Variants in NUF2 observed in about 807,000 individuals in gnomAD.
The protein encoded by NUF2 is kinetochore protein Nuf2.
In NUF2, 34 loss-of-function variants were observed where a neutral mutation model predicts 61.8. The ratio of observed to expected loss-of-function variants is 0.55; its 90% CI spans 0.42 to 0.73. The LOEUF is 0.73. Ranked by LOEUF, NUF2 falls within the 30% of genes least tolerant of loss-of-function variation. The pLI, the probability that NUF2 is intolerant of heterozygous loss-of-function variation, is 0.00. For synonymous variants in NUF2, 172 were observed against 181.6 expected, an observed-to-expected ratio of 0.95 and a Z score of 0.42; for missense variants, 445 against 539.1, an observed-to-expected ratio of 0.83 and a Z score of 1.73.
intron 11 of NUF2, among the ~76,000 whole-genome samples, chr1:163,347,437 A>G (rs1173329026): frequency 1.3e-4 from 20 of 152,078 alleles, no homozygotes; most frequent in Admixed American, 1.3e-3. Context: ...TCTAGCACCT[A>G]CCCTTTTCCC....
At chr1:163,338,246 A>G (rs2101678472) in intron 7 of NUF2, among the ~76,000 whole-genome samples, 153 bp downstream of exon 7, 1 of 151,496 alleles carries the variant, frequency 6.6e-6, no homozygotes, top group East Asian at 1.9e-4. Context: ...TTAAAAAAAA[A>G]AAAAAGAAAA....
At chr1:163,336,950 T>C (rs1650779478) in intron 6 of NUF2, 102 bp downstream of exon 6, 2 of 723,784 alleles carry the variant, frequency 2.8e-6, no homozygotes, top group Non-Finnish European at 4.7e-6. Context: ...CAAATTGCTG[T>C]ATTGCCTTTA....
At chr1:163,336,651 A>T in intron 5 of NUF2, 100 bp from the exon 6 acceptor site, 4 of 714,148 alleles carry the variant, frequency 5.6e-6, no homozygotes, top group Non-Finnish European at 9.7e-6. Context: ...GTTTTATTTT[A>T]TATATTATGA....
intron 5 of NUF2, among the ~76,000 whole-genome samples, chr1:163,333,026 C>A (rs999455265): frequency 6.6e-6 from 1 of 152,126 alleles, no homozygotes; most frequent in African/African-American, 2.4e-5. Context: ...TCCTTACAGA[C>A]TTTTTTCCTG....
intron 3 of NUF2, chr1:163,327,847 T>TCA: frequency 2.5e-6 from 1 of 396,600 alleles, no homozygotes. Context: ...AGGTTTGTTT[T>TCA]CAGAGACTAC....
chr1:163,348,948 T>C lies in NUF2; in HGVS notation c.1128T>C (p.Asp376=). The C allele has an allele frequency of 6.2e-7, 1 of 1,601,372 alleles. No homozygotes were observed. The highest frequency in any genetic ancestry group is 8.5e-7 in the Non-Finnish European group (1 of 1,177,096). The change falls in exon 13 of 14, where the codon GAT becomes GAC. Residue 376 remains aspartate (D), a synonymous_variant. Coordinates refer to ENST00000271452, the MANE Select transcript of NUF2 (RefSeq NM_145697.3). ...AGCTGTCTCGATTTTCTTTCAGGGA[T>C]TGCAATAAAGTTCAAGAAAAAAGAG... ...VKQYKRTVIE[D]CNKVQEKRGA... is the part of the protein sequence containing the mutation.
At chr1:163,331,044 G>A (rs1307289935) in intron 5 of NUF2, among the ~76,000 whole-genome samples, 1 of 85,326 alleles carries the variant, frequency 1.2e-5, no homozygotes, top group African/African-American at 4.4e-5. Context: ...TTTTTTTTAC[G>A]TTTCTGCACT....
chr1:163,341,616 A>G (rs1372499251), intron 9 of NUF2, among the ~76,000 whole-genome samples: 1 of 150,934 alleles, frequency 6.6e-6, no homozygotes, highest in Non-Finnish European at 1.5e-5. Flanking sequence ...TACCTTGTTT[A>G]TTTATTTTAT....
intron 13 of NUF2, among the ~76,000 whole-genome samples, chr1:163,350,440 A>T (rs895332908): frequency 6.6e-6 from 1 of 152,098 alleles, no homozygotes; most frequent in Admixed American, 6.5e-5. Context: ...CTAGTTACTA[A>T]CTCAAATTCG....
intron 1 of NUF2, 113 bp from the exon 2 acceptor site, chr1:163,325,918 TA>T: frequency 3.1e-6 from 2 of 651,028 alleles, no homozygotes; most frequent in South Asian, 2.4e-5. Context: ...TGATGATAGT[TA>T]ACACTACTAT....
At chr1:163,331,544 A>C (rs1269327395) in intron 5 of NUF2, among the ~76,000 whole-genome samples, 1 of 151,898 alleles carries the variant, frequency 6.6e-6, no homozygotes, top group African/African-American at 2.4e-5. Context: ...TCCCGCTTCC[A>C]TTTTTGGGAA....
Position 163,355,647 on chromosome 1 carries a change from A to G in NUF2, c.*178A>G. 2.5e-6 allele frequency: 1 copy of G among 396,232 alleles called. No individual in the cohort carries two copies. Among genetic ancestry groups the G allele is most frequent in the Non-Finnish European group, 4.5e-6 (1 of 221,828 alleles). 24.5% of individuals were successfully genotyped at this position (396,232 alleles called of 1,614,324 possible). A position where few individuals can be genotyped will look rare whatever the true frequency, so the allele number is the denominator to read the frequency against. ...ATTTAATGTAGGCTTTTATTAATTT[A>G]TAATTAAAATAACTTGTGCAGCTAT... On this transcript the variant is annotated 3_prime_UTR_variant, in exon 14 of 14. Coordinates refer to ENST00000271452, the MANE Select transcript of NUF2 (RefSeq NM_145697.3).
At chr1:163,343,598 T>C in intron 9 of NUF2, 135 bp from the exon 10 acceptor site, 1 of 387,472 alleles carries the variant, frequency 2.6e-6, no homozygotes, top group Non-Finnish European at 4.7e-6. Flanking sequence ...ATTAAGTAGG[T>C]AAGTGATGTG....
intron 13 of NUF2, among the ~76,000 whole-genome samples, chr1:163,354,534 T>A (rs901052024): frequency 6.6e-6 from 1 of 152,100 alleles, no homozygotes; most frequent in South Asian, 2.1e-4. Context: ...ATTTTAGGCT[T>A]AAGAAAAATT....
rs1186578402 is a variant in NUF2 at position 163,347,783 on chromosome 1, A to C, written c.969A>C (p.Gln323His). The stretch of plus-strand genomic sequence containing the variant: ...TACAGAGCCTGAACTTGGAGGACCA[A>C]ATTGAGAGTGATGAGTCAGAACTGA... The part of the protein sequence containing the change: ...ILKESLNLED[Q>H]IESDESELKK... Residue 323 changes from glutamine (Q) to histidine (H), a missense_variant, in exon 12 of 14, where the codon CAA (glutamine) becomes CAC (histidine). Transcript: ENST00000271452. 6.3e-7 allele frequency: 1 copy of C among 1,589,750 alleles called. No individual in the cohort carries two copies. The highest frequency in any genetic ancestry group is 8.5e-7 in the Non-Finnish European group (1 of 1,171,026).
intron 5 of NUF2, among the ~76,000 whole-genome samples, chr1:163,330,696 A>G (rs1650565542): frequency 6.6e-6 from 1 of 152,106 alleles, no homozygotes; most frequent in African/African-American, 2.4e-5. Context: ...TCTGATCCAT[A>G]TGCATGCTAT....
Position 163,343,800 on chromosome 1 carries a change from A to G in NUF2, c.737A>G (p.Asp246Gly). The stretch of plus-strand genomic sequence containing the variant: ...GAGAGTTTGAAAACAAAAATTGTGG[A>G]TTCTCCAGAGAAGTTAAAGAATTAT... ...IQESLKTKIV[D>G]SPEKLKNYKE... The change falls in exon 10 of 14, where the codon GAT becomes GGT. Residue 246 changes from aspartate (D) to glycine (G), a missense_variant. Physicochemically the swap from Asp to Gly is moderately conservative, Grantham distance 94 (BLOSUM62 -1). Transcript: ENST00000271452. 1 of 1,448,356 alleles carries G rather than the reference A, an allele frequency of 6.9e-7. No homozygotes were observed. Among genetic ancestry groups the G allele is most frequent in the Non-Finnish European group, 9.2e-7 (1 of 1,088,728 alleles). 89.7% of individuals were successfully genotyped at this position (1,448,356 alleles called of 1,614,324 possible). A position where few individuals can be genotyped will look rare whatever the true frequency, so the allele number is the denominator to read the frequency against.
intron 5 of NUF2, among the ~76,000 whole-genome samples, chr1:163,334,163 G>A (rs1650682301): frequency 6.6e-6 from 1 of 152,166 alleles, no homozygotes; most frequent in African/African-American, 2.4e-5. Context: ...CTTTTTAGTG[G>A]TTGAGTAGTG....
rs1362643261 is a variant in NUF2 at position 163,336,764 on chromosome 1, A to T, written c.351A>T (p.Thr117=). 6.2e-7 allele frequency: 1 copy of T among 1,609,654 alleles called. No individual in the cohort carries two copies. Among genetic ancestry groups the T allele is most frequent in the Non-Finnish European group, 8.5e-7 (1 of 1,176,268 alleles). Residue 117 remains threonine (T), a synonymous_variant, in exon 6 of 14, where the codon ACA becomes ACT. Transcript: ENST00000271452. The part of the protein sequence containing the change: ...ADILCPKAKR[T]SRFLSGIINF... ...TTTCTATTTTAGAAGCAAAACGGACAAGTCGGTTTTTAAGTGGCATTATCA... is the reference window on the plus strand; with the variant it reads ...TTTCTATTTTAGAAGCAAAACGGACTAGTCGGTTTTTAAGTGGCATTATCA...
Sources: gnomAD v4.1 joint callset for allele counts (sites outside exome capture counted in the v4.1 genomes callset) on GRCh38, gnomAD v4.1.1 for gene constraint, MANE v1.5 for transcripts, NCBI Gene and HGNC (gene_info 2026-07-23, HGNC 2026-07-21) for gene names.